The following ATAD2B variants were observed in gnomAD, a reference collection of about 807,000 sequenced individuals.
ATAD2B encodes the protein ATPase family AAA domain-containing protein 2B.
In ATAD2B, 40 loss-of-function variants were observed where a neutral mutation model predicts 167.6. The ratio of observed to expected loss-of-function variants is 0.24; its 90% CI spans 0.19 to 0.31. ATAD2B has a LOEUF of 0.31. ATAD2B is among the 10% of genes least tolerant of loss of function. The pLI is 1.00. For missense variants in ATAD2B, 1,242 were observed against 1,757.2 expected, an observed-to-expected ratio of 0.71 and a Z score of 5.24; for synonymous variants, 579 against 596.5, an observed-to-expected ratio of 0.97 and a Z score of 0.43.
chr2:23,917,752 C>T (rs2150625159), intron 1 of ATAD2B, among the ~76,000 whole-genome samples: 1 of 151,534 alleles, frequency 6.6e-6, no homozygotes, highest in East Asian at 2.0e-4. Flanking sequence ...CATAGTGAGA[C>T]TCCTGTCTGG....
rs561475332 is a variant in ATAD2B at position 23,908,193 on chromosome 2, G to C, written c.217-12223C>G. Reference sequence around the variant, plus strand: ...CACAGCAAAAGAAACGACCATCAGAGTGAACAGGCAACCTACAAAATGGGA... The same window carrying C: ...CACAGCAAAAGAAACGACCATCAGACTGAACAGGCAACCTACAAAATGGGA... On this transcript the variant is annotated intron_variant, in intron 1 of 27. Transcript: ENST00000238789. Among the ~76,000 whole-genome samples, 7 of 152,184 alleles carry C rather than the reference G, an allele frequency of 4.6e-5. 1 individual carries two copies. In the South Asian group the frequency reaches 1.5e-3, roughly 32 times the overall value.
intron 22 of ATAD2B, among the ~76,000 whole-genome samples, chr2:23,774,184 G>T (rs549172026): frequency 6.6e-6 from 1 of 152,266 alleles, no homozygotes; most frequent in African/African-American, 2.4e-5. Flanking sequence ...GCTGGGCATG[G>T]TGGTTCACAC....
At position 23,750,324 on chromosome 2, in the gene ATAD2B, A is replaced by C. The variant is rs1043738915; in HGVS notation, c.*1722T>G. On this transcript the variant is annotated 3_prime_UTR_variant, in exon 28 of 28. Coordinates refer to ENST00000238789, the MANE Select transcript of ATAD2B (RefSeq NM_017552.4). Reference sequence around the variant, plus strand: ...AAGAAAACACGTGGCATTTAAAAAAAAATTAAGCTAGAATTAGAAGGCGTT... The same window carrying C: ...AAGAAAACACGTGGCATTTAAAAAACAATTAAGCTAGAATTAGAAGGCGTT... The C allele has an allele frequency of 6.6e-6, 1 of 152,142 alleles. No homozygotes were observed. The highest frequency in any genetic ancestry group is 1.9e-4 in the East Asian group (1 of 5,194). The allele number at this position is 152,142 out of a possible 1,614,324, so 9.4% of individuals were successfully genotyped here.
intron 13 of ATAD2B, among the ~76,000 whole-genome samples, chr2:23,855,184 C>T (rs1343304362): frequency 6.9e-6 from 1 of 145,638 alleles, no homozygotes; most frequent in Non-Finnish European, 1.5e-5. Flanking sequence ...CAGAGCAAGA[C>T]TCTGTCTCAA....
At chr2:23,803,003 C>T (rs909604143) in intron 18 of ATAD2B, among the ~76,000 whole-genome samples, 2 of 152,088 alleles carry the variant, frequency 1.3e-5, no homozygotes, top group Non-Finnish European at 2.9e-5. Context: ...AATGAAACCT[C>T]TCTAATAATT....
intron 7 of ATAD2B, among the ~76,000 whole-genome samples, chr2:23,878,254 G>A (rs1697331707): frequency 1.3e-5 from 2 of 151,764 alleles, no homozygotes; most frequent in Non-Finnish European, 2.9e-5. Flanking sequence ...CCAGCTACTT[G>A]GGAGGCTGAG....
intron 2 of ATAD2B, among the ~76,000 whole-genome samples, chr2:23,891,540 C>G (rs1051677861): frequency 6.6e-6 from 1 of 151,366 alleles, no homozygotes; most frequent in African/African-American, 2.4e-5. Context: ...CTGTCGCCCA[C>G]GGTGGAGTGC....
chr2:23,753,607 A>G (rs147835793), intron 27 of ATAD2B, among the ~76,000 whole-genome samples: 2 of 152,188 alleles, frequency 1.3e-5, no homozygotes. Context: ...CCCTTGGTTT[A>G]GAGTTGTCTA....
intron 13 of ATAD2B, among the ~76,000 whole-genome samples, chr2:23,855,357 T>C (rs997437809): frequency 6.6e-5 from 10 of 152,200 alleles, no homozygotes; most frequent in Non-Finnish European, 1.5e-4. Flanking sequence ...TATTAAAGCT[T>C]AATATTATTT....
the ATAD2B span, among the ~76,000 whole-genome samples, chr2:23,688,631 C>T: frequency 3.3e-5 from 5 of 152,002 alleles, no homozygotes; most frequent in Non-Finnish European, 5.9e-5. Context: ...CTCCAGGAAG[C>T]TCTGGTCTTC....
the ATAD2B span, chr2:23,695,780 A>G: frequency 1.3e-6 from 2 of 1,551,230 alleles, no homozygotes; most frequent in Non-Finnish European, 1.7e-6. The surrounding 1 kb of genome is among the most constrained non-coding windows in gnomAD (Gnocchi z 7.6). Flanking sequence ...CACGCCCGCC[A>G]GGAGATGCAG....
chr2:23,739,512 G>C, the ATAD2B span, among the ~76,000 whole-genome samples: 2 of 152,034 alleles, frequency 1.3e-5, no homozygotes, highest in African/African-American at 4.8e-5. Context: ...CGAGAACAAA[G>C]ACACAACATA....
chr2:23,779,042 T>A (rs761407512), intron 22 of ATAD2B, among the ~76,000 whole-genome samples: 1 of 152,120 alleles, frequency 6.6e-6, no homozygotes, highest in Non-Finnish European at 1.5e-5. Flanking sequence ...GGGGCCGACA[T>A]CCAGCCCATG....
the ATAD2B span, among the ~76,000 whole-genome samples, chr2:23,725,831 G>A: frequency 1.3e-5 from 2 of 152,264 alleles, no homozygotes; most frequent in South Asian, 2.1e-4. Context: ...TAGGATGGCT[G>A]CTATATGAAA....
At chr2:23,906,360 T>C (rs546555716) in intron 1 of ATAD2B, among the ~76,000 whole-genome samples, 11 of 152,136 alleles carry the variant, frequency 7.2e-5, no homozygotes, top group Admixed American at 6.6e-4. Context: ...AGAAAGGTCA[T>C]TTTCTGCTAC....
intron 12 of ATAD2B, among the ~76,000 whole-genome samples, chr2:23,858,489 C>CTTTTTT (rs34177847): frequency 8.2e-5 from 11 of 134,412 alleles, no homozygotes; most frequent in Non-Finnish European, 7.8e-5. Flanking sequence ...CTGTCTCATT[C>CTTTTTT]TTTTTTTTTT....
At chr2:23,864,130 G>A (rs1694818915) in intron 11 of ATAD2B, among the ~76,000 whole-genome samples, 1 of 151,278 alleles carries the variant, frequency 6.6e-6, no homozygotes, top group African/African-American at 2.4e-5. Context: ...TCAGCCTCCC[G>A]AGTAGCTGGG....
At chr2:23,718,772 G>T in the ATAD2B span, among the ~76,000 whole-genome samples, 2 of 152,234 alleles carry the variant, frequency 1.3e-5, no homozygotes, top group Non-Finnish European at 2.9e-5. Flanking sequence ...CTCTAGGGAA[G>T]AATCCACTTC....
Position 23,754,219 on chromosome 2 carries a change from T to C in ATAD2B, c.4295A>G (p.Tyr1432Cys), listed in dbSNP as rs542007387. ...TTTGTCATAATCTTTACGATGACGG[T>C]AGATACACTGACTAAGAAGAGAATA... ...RLYSLLSQCI[Y>C]RHRKDYDKSQ... The change falls in exon 27 of 28, where the codon TAC becomes TGC. Residue 1432 changes from tyrosine (Y) to cysteine (C), a missense_variant. Around this residue, in one of 9 missense-constraint regions of ATAD2B, gnomAD observed 282 missense variants for 346.8 expected, o/e 0.81. Coordinates refer to ENST00000238789, the MANE Select transcript of ATAD2B (RefSeq NM_017552.4). 2.6e-6 allele frequency: 4 copies of C among 1,560,442 alleles called. No individual in the cohort carries two copies. Among genetic ancestry groups the C allele is most frequent in the South Asian group, 1.2e-5 (1 of 83,944 alleles).
Sources: gnomAD v4.1 joint callset for allele counts (sites outside exome capture counted in the v4.1 genomes callset) on GRCh38, gnomAD v4.1.1 for gene constraint, gnomAD v4.1.1 regional missense constraint, Gnocchi (gnomAD v3.1) non-coding constraint, MANE v1.5 for transcripts, NCBI Gene and HGNC (gene_info 2026-07-23, HGNC 2026-07-21) for gene names.